The following DPH6 variants were observed in gnomAD, a reference collection of about 807,000 sequenced individuals.
DPH6 encodes the protein diphthine--ammonia ligase.
DPH6 carries 33 observed loss-of-function variants against 38.2 expected under a neutral mutation model. The observed-to-expected ratio is 0.86, with a 90% confidence interval of 0.65 to 1.15. DPH6 has a LOEUF of 1.15. DPH6 is among the 50% of genes most tolerant of loss of function. The pLI, the probability that DPH6 is intolerant of heterozygous loss-of-function variation, is 0.00. For missense variants in DPH6, 325 were observed against 320.0 expected, an observed-to-expected ratio of 1.02 and a Z score of -0.12; for synonymous variants, 108 against 103.0, an observed-to-expected ratio of 1.05 and a Z score of -0.30.
At chr15:35,206,306 A>C in the DPH6 span, among the ~76,000 whole-genome samples, 1 of 152,164 alleles carries the variant, frequency 6.6e-6, no homozygotes, top group South Asian at 2.1e-4. Flanking sequence ...CTGAATTCCA[A>C]ATTGAGAAAA....
At chr15:35,374,031 C>T (rs2052748455) in intron 7 of DPH6, among the ~76,000 whole-genome samples, 1 of 151,956 alleles carries the variant, frequency 6.6e-6, no homozygotes, top group South Asian at 2.1e-4. Flanking sequence ...AATTATCCTT[C>T]ACAAAAGCAG....
the DPH6 span, among the ~76,000 whole-genome samples, chr15:35,147,736 T>A: frequency 6.6e-6 from 1 of 152,172 alleles, no homozygotes; most frequent in Non-Finnish European, 1.5e-5. Flanking sequence ...GTAGAGTGAG[T>A]ACTTGATTAA....
chr15:35,190,496 C>T, the DPH6 span, among the ~76,000 whole-genome samples: 2 of 152,136 alleles, frequency 1.3e-5, no homozygotes, highest in South Asian at 4.1e-4. Flanking sequence ...CTGGCTGAGG[C>T]AGATTGCTGG....
At chr15:35,266,531 C>T in intron 3 of DPH6, among the ~76,000 whole-genome samples, 1 of 152,162 alleles carries the variant, frequency 6.6e-6, no homozygotes, top group East Asian at 1.9e-4. Context: ...TTTGCACTGT[C>T]AAGCAACTAA....
At chr15:35,424,016 C>A (rs900812485) in intron 5 of DPH6, among the ~76,000 whole-genome samples, 1 of 151,522 alleles carries the variant, frequency 6.6e-6, no homozygotes, top group Non-Finnish European at 1.5e-5. Flanking sequence ...CTTTGTTCTT[C>A]TTCCTAAAGA....
downstream of DPH6, among the ~76,000 whole-genome samples, chr15:35,216,805 CA>C (rs2051412737): frequency 6.6e-6 from 1 of 152,088 alleles, no homozygotes; most frequent in Non-Finnish European, 1.5e-5. Context: ...ATTGATCAAT[CA>C]AAAAACAAGT....
At chr15:35,325,201 G>T (rs976824621) in intron 3 of DPH6, among the ~76,000 whole-genome samples, 5 of 151,258 alleles carry the variant, frequency 3.3e-5, no homozygotes, top group East Asian at 1.9e-4. Flanking sequence ...ATTCCAGCTG[G>T]TTTTTTTTTA....
chr15:35,154,715 C>T, the DPH6 span, among the ~76,000 whole-genome samples: 2 of 152,154 alleles, frequency 1.3e-5, no homozygotes, highest in African/African-American at 4.8e-5. Context: ...AGACAAGTTG[C>T]CTAAACTGTT....
intron 3 of DPH6, among the ~76,000 whole-genome samples, chr15:35,230,315 C>T (rs926152839): frequency 5.9e-5 from 9 of 152,322 alleles, no homozygotes; most frequent in African/African-American, 2.2e-4. Context: ...CTCAGACCCA[C>T]AAGGTATAGT....
chr15:35,526,218 G>A (rs761916394), intron 3 of DPH6, among the ~76,000 whole-genome samples: 1 of 152,126 alleles, frequency 6.6e-6, no homozygotes, highest in African/African-American at 2.4e-5. Flanking sequence ...GAAAGAATCC[G>A]TAAGAGAACT....
At chr15:35,474,146 C>T (rs2054236241) in intron 3 of DPH6, among the ~76,000 whole-genome samples, 1 of 152,054 alleles carries the variant, frequency 6.6e-6, no homozygotes, top group Admixed American at 6.6e-5. Flanking sequence ...TTAACATCAA[C>T]ATCAACAATG....
chr15:35,382,169 C>T (rs935677998), intron 6 of DPH6, among the ~76,000 whole-genome samples: 6 of 152,190 alleles, frequency 3.9e-5, no homozygotes, highest in Admixed American at 3.3e-4. Flanking sequence ...GGCGCGTTGG[C>T]TCACGCCTGT....
intron 3 of DPH6, among the ~76,000 whole-genome samples, chr15:35,523,018 T>C (rs1422529502): frequency 6.6e-6 from 1 of 152,112 alleles, no homozygotes; most frequent in Non-Finnish European, 1.5e-5. Context: ...AAGTATATTT[T>C]AAATTATTTC....
chr15:35,468,204 A>G (rs190241562), intron 3 of DPH6, among the ~76,000 whole-genome samples: 11 of 152,306 alleles, frequency 7.2e-5, no homozygotes, highest in African/African-American at 2.4e-4. Context: ...GCATTATCTC[A>G]TTTTATCATG....
chr15:35,539,588 T>C (rs373568368), intron 2 of DPH6, among the ~76,000 whole-genome samples: 5 of 151,974 alleles, frequency 3.3e-5, no homozygotes, highest in African/African-American at 9.7e-5. Flanking sequence ...ATGGGGGTAT[T>C]TGTGTTCTAA....
chr15:35,391,129 T>A (rs1465046398), intron 6 of DPH6, among the ~76,000 whole-genome samples: 2 of 152,166 alleles, frequency 1.3e-5, no homozygotes, highest in Non-Finnish European at 2.9e-5. Context: ...TTTGCCTGGG[T>A]ATCAGCAGCG....
chr15:35,256,017 TATATA>T (rs1394234334), intron 3 of DPH6, among the ~76,000 whole-genome samples: 19 of 151,982 alleles, frequency 1.3e-4, no homozygotes, highest in African/African-American at 4.3e-4. Context: ...TATACACACC[TATATA>T]ACATATATAA....
At chr15:35,347,365 C>T (rs1049701160) in intron 3 of DPH6, among the ~76,000 whole-genome samples, 2 of 151,828 alleles carry the variant, frequency 1.3e-5, no homozygotes, top group African/African-American at 4.8e-5. Context: ...GTTGCTCAGG[C>T]TGGCTCAAAC....
chr15:35,269,757 C>T (rs2051809929), intron 3 of DPH6, among the ~76,000 whole-genome samples: 1 of 138,200 alleles, frequency 7.2e-6, no homozygotes, highest in Non-Finnish European at 1.6e-5. Flanking sequence ...TTTATGTATT[C>T]TTTATTTCTT....
Sources: gnomAD v4.1 joint callset for allele counts (sites outside exome capture counted in the v4.1 genomes callset) on GRCh38, gnomAD v4.1.1 for gene constraint, MANE v1.5 for transcripts, NCBI Gene and HGNC (gene_info 2026-07-23, HGNC 2026-07-21) for gene names.